NKAIN2: variants seen among roughly 807,000 people sequenced by gnomAD.
NKAIN2 encodes the protein sodium/potassium transporting ATPase interacting 2.
In NKAIN2, 14 loss-of-function variants were observed where a neutral mutation model predicts 32.6. That is an observed-to-expected ratio of 0.43 (90% CI 0.28 to 0.67). NKAIN2 has a LOEUF of 0.67. Ranked by LOEUF, NKAIN2 falls within the 30% of genes least tolerant of loss-of-function variation. The probability of loss-of-function intolerance (pLI) is 0.17; values close to 1 mark genes in which losing one functional copy is unlikely to be tolerated. For missense variants in NKAIN2, 198 were observed against 258.3 expected, an observed-to-expected ratio of 0.77 and a Z score of 1.60; for synonymous variants, 80 against 87.2, an observed-to-expected ratio of 0.92 and a Z score of 0.46.
chr6:124,275,819 T>C (rs1795002686), intron 1 of NKAIN2, among the ~76,000 whole-genome samples: 1 of 142,884 alleles, frequency 7.0e-6, no homozygotes, highest in Non-Finnish European at 1.5e-5. Context: ...TGTATTGAAA[T>C]ATAAAATAAT....
At chr6:124,256,482 A>G (rs2114826023) in intron 1 of NKAIN2, among the ~76,000 whole-genome samples, 1 of 152,332 alleles carries the variant, frequency 6.6e-6, no homozygotes, top group East Asian at 1.9e-4. Context: ...GCTGTTATAT[A>G]TCTTCAATGC....
rs115753512 is a variant in NKAIN2, at chr6:124,559,966, G to A, written c.274-98220G>A. Among the ~76,000 whole-genome samples the A allele has an allele frequency of 6.3e-3, 900 of 142,916 alleles. 9 individuals are homozygous for A. The highest frequency in any genetic ancestry group is 0.022 in the African/African-American group (854 of 38,748). 93.8% of individuals were successfully genotyped at this position (142,916 alleles called of 152,430 possible). On this transcript the variant is annotated intron_variant, in intron 3 of 6. Coordinates refer to ENST00000368417, the MANE Select transcript of NKAIN2 (RefSeq NM_001040214.3). ...CTTCGGCTTATGTTATCTCACATTC[G>A]CCAGCACAACGTTAACACCCAGTCA...
chr6:123,921,847 C>T (rs984167748), intron 1 of NKAIN2, among the ~76,000 whole-genome samples: 2 of 151,832 alleles, frequency 1.3e-5, no homozygotes, highest in Non-Finnish European at 2.9e-5. Context: ...AGGAGAATGG[C>T]ATGAACCAAG....
chr6:124,413,220 A>G (rs980258058), intron 3 of NKAIN2, among the ~76,000 whole-genome samples: 5 of 152,124 alleles, frequency 3.3e-5, no homozygotes, highest in Non-Finnish European at 7.4e-5. Flanking sequence ...AGATGAACCC[A>G]GTACCTCAGT....
intron 1 of NKAIN2, among the ~76,000 whole-genome samples, chr6:124,060,118 C>G (rs1426163457): frequency 6.6e-6 from 1 of 152,094 alleles, no homozygotes; most frequent in Non-Finnish European, 1.5e-5. Flanking sequence ...CGAGAAATAT[C>G]CCTGAATGAG....
intron 3 of NKAIN2, among the ~76,000 whole-genome samples, chr6:124,377,480 C>G (rs757369422): frequency 5.3e-5 from 8 of 152,074 alleles, no homozygotes; most frequent in Non-Finnish European, 1.2e-4. Flanking sequence ...TGGGACTTAA[C>G]TGAAATTTGG....
At chr6:123,856,618 TA>T (rs1192530897) in intron 1 of NKAIN2, among the ~76,000 whole-genome samples, 1 of 152,240 alleles carries the variant, frequency 6.6e-6, no homozygotes, top group African/African-American at 2.4e-5. Context: ...ACAAACTATT[TA>T]AAGATAAATT....
intron 1 of NKAIN2, among the ~76,000 whole-genome samples, chr6:124,243,006 C>G (rs1375141061): frequency 1.3e-5 from 2 of 150,536 alleles, no homozygotes; most frequent in Non-Finnish European, 2.9e-5. Flanking sequence ...CCTGCAGGTT[C>G]TGCACATGTA....
At chr6:124,623,370 ACT>A (rs1783182712) in intron 3 of NKAIN2, among the ~76,000 whole-genome samples, 1 of 152,286 alleles carries the variant, frequency 6.6e-6, no homozygotes, top group South Asian at 2.1e-4. Flanking sequence ...AGAGCAGGAA[ACT>A]CTCTATGCAT....
At chr6:124,355,134 T>C in intron 2 of NKAIN2, 133 bp from the exon 3 acceptor site, 1 of 612,228 alleles carries the variant, frequency 1.6e-6, no homozygotes, top group Non-Finnish European at 2.9e-6. Flanking sequence ...TCTAATCCTG[T>C]TCCTTAGAGA....
chr6:124,503,222 TTGAA>T (rs1301286721), intron 3 of NKAIN2, among the ~76,000 whole-genome samples: 1 of 152,116 alleles, frequency 6.6e-6, no homozygotes, highest in Non-Finnish European at 1.5e-5. Flanking sequence ...GTACATTATA[TTGAA>T]TTTTAACTCC....
At chr6:124,783,565 G>A (rs1779369103) in intron 4 of NKAIN2, among the ~76,000 whole-genome samples, 1 of 152,106 alleles carries the variant, frequency 6.6e-6, no homozygotes, top group Non-Finnish European at 1.5e-5. Context: ...GTTGATAACT[G>A]CACCTGGATT....
chr6:124,025,707 G>C (rs1394828902), intron 1 of NKAIN2, among the ~76,000 whole-genome samples: 1 of 152,184 alleles, frequency 6.6e-6, no homozygotes, highest in African/African-American at 2.4e-5. Flanking sequence ...ATAGACGTAA[G>C]TGTGTGAGGT....
chr6:123,910,059 T>C (rs1775095534), intron 1 of NKAIN2, among the ~76,000 whole-genome samples: 2 of 152,174 alleles, frequency 1.3e-5, no homozygotes, highest in South Asian at 4.1e-4. Context: ...GAATACATGG[T>C]TTGGAAATGC....
At chr6:123,994,033 A>G (rs915997395) in intron 1 of NKAIN2, among the ~76,000 whole-genome samples, 2 of 152,100 alleles carry the variant, frequency 1.3e-5, no homozygotes, top group African/African-American at 4.8e-5. Flanking sequence ...GACCACAGCC[A>G]TCACTGCTTC....
At chr6:124,480,763 G>A (rs74425253) in intron 3 of NKAIN2, among the ~76,000 whole-genome samples, 2,062 of 152,052 alleles carry the variant, frequency 0.014, 42 homozygotes, top group African/African-American at 0.046. Context: ...ATTTGTTGCC[G>A]TGTTAATAGA....
chr6:123,995,654 A>C (rs1330773209), intron 1 of NKAIN2, among the ~76,000 whole-genome samples: 1 of 152,202 alleles, frequency 6.6e-6, no homozygotes, highest in African/African-American at 2.4e-5. Flanking sequence ...ATCAGGTAAA[A>C]GTCCAAAATA....
At chr6:123,994,749 A>C (rs186186390) in intron 1 of NKAIN2, among the ~76,000 whole-genome samples, 1 of 152,270 alleles carries the variant, frequency 6.6e-6, no homozygotes, top group Admixed American at 6.5e-5. Context: ...AACGTATTAA[A>C]TGTGATATCC....
At chr6:124,592,795 T>C (rs188706419) in intron 3 of NKAIN2, among the ~76,000 whole-genome samples, 1 of 152,318 alleles carries the variant, frequency 6.6e-6, no homozygotes, top group Admixed American at 6.5e-5. Context: ...GCTTTGGTTT[T>C]CTTGCCTATA....
Sources: gnomAD v4.1 joint callset for allele counts (sites outside exome capture counted in the v4.1 genomes callset) on GRCh38, gnomAD v4.1.1 for gene constraint, MANE v1.5 for transcripts, NCBI Gene and HGNC (gene_info 2026-07-23, HGNC 2026-07-21) for gene names.